The following ZNF385D variants were observed in gnomAD, a reference collection of about 807,000 sequenced individuals.
ZNF385D encodes zinc finger protein 385D.
ZNF385D carries 15 observed loss-of-function variants against 35.8 expected under a neutral mutation model. The ratio of observed to expected loss-of-function variants is 0.42; its 90% CI spans 0.28 to 0.64. The LOEUF is 0.64. Among genes scored for constraint, ZNF385D ranks in the 30% least tolerant of loss-of-function variants. The probability of loss-of-function intolerance (pLI) is 0.23; values close to 1 mark genes in which losing one functional copy is unlikely to be tolerated. For missense variants in ZNF385D, 474 were observed against 494.6 expected, an observed-to-expected ratio of 0.96 and a Z score of 0.39; for synonymous variants, 212 against 186.8, an observed-to-expected ratio of 1.13 and a Z score of -1.10.
intron 4 of ZNF385D, among the ~76,000 whole-genome samples, chr3:21,453,038 A>G (rs192133102): frequency 5.9e-5 from 9 of 152,082 alleles, no homozygotes; most frequent in Admixed American, 1.3e-4. Context: ...TCAATGAAAT[A>G]GAATTAAGAG....
intron 2 of ZNF385D, among the ~76,000 whole-genome samples, chr3:22,218,660 T>G (rs1376232800): frequency 6.6e-6 from 1 of 152,128 alleles, no homozygotes; most frequent in Admixed American, 6.6e-5. Flanking sequence ...CCCAGAAGGT[T>G]CTTAAGGCTT....
At chr3:21,876,600 A>C (rs1697986170) in intron 3 of ZNF385D, among the ~76,000 whole-genome samples, 1 of 151,926 alleles carries the variant, frequency 6.6e-6, no homozygotes, top group Non-Finnish European at 1.5e-5. Context: ...CCTTGTGCTC[A>C]GTGCTGGGTA....
chr3:21,637,974 C>A (rs770706367), intron 2 of ZNF385D, among the ~76,000 whole-genome samples: 4 of 152,148 alleles, frequency 2.6e-5, no homozygotes, highest in Non-Finnish European at 5.9e-5. Context: ...CTATCTTAAT[C>A]TGTTATTGAA....
chr3:21,658,001 T>C (rs1213149563), intron 2 of ZNF385D, among the ~76,000 whole-genome samples: 2 of 151,934 alleles, frequency 1.3e-5, no homozygotes, highest in Non-Finnish European at 2.9e-5. Context: ...GAGACAAAGA[T>C]TCTGAAGGGT....
chr3:21,890,194 A>G (rs1345496403), intron 3 of ZNF385D, among the ~76,000 whole-genome samples: 3 of 152,216 alleles, frequency 2.0e-5, no homozygotes, highest in Admixed American at 2.0e-4. Context: ...TATAAGCAAG[A>G]GAGGGAATAA....
In ZNF385D at chr3:21,748,170, G is replaced by T. The variant is rs78261433; in HGVS notation, c.22+2725C>A. Among the ~76,000 whole-genome samples, 1,209 of 152,282 alleles carry T rather than the reference G, an allele frequency of 7.9e-3. 24 individuals carry two copies. The highest frequency in any genetic ancestry group is 0.028 in the African/African-American group (1,169 of 41,542). On this transcript the variant is annotated intron_variant, in intron 1 of 7. Coordinates refer to ENST00000281523, the MANE Select transcript of ZNF385D (RefSeq NM_024697.3). Reference sequence around the variant, plus strand: ...AAACACTGCACTAAAATCTCAATAGGAGATAAGAGTGAGGCTTAAGTCATT... The same window carrying T: ...AAACACTGCACTAAAATCTCAATAGTAGATAAGAGTGAGGCTTAAGTCATT...
rs115215499 is a variant in ZNF385D, at chr3:21,653,753, A to G, written c.165+11133T>C. On this transcript the variant is annotated intron_variant, in intron 2 of 7. Transcript: ENST00000281523. ...TTAATGAATTTTTTTACCTAAAAAA[A>G]GTAAGTAGAACTATCCGGAAAAAAA... 8.2e-3 allele frequency among the ~76,000 whole-genome samples: 1,249 copies of G among 152,144 alleles called. 17 individuals are homozygous for G. Among genetic ancestry groups the G allele is most frequent in the African/African-American group, 0.029 (1,214 of 41,514 alleles).
At chr3:21,472,017 T>C (rs943855854) in intron 4 of ZNF385D, among the ~76,000 whole-genome samples, 3 of 152,170 alleles carry the variant, frequency 2.0e-5, no homozygotes, top group East Asian at 1.9e-4. Context: ...TATTGTTGTC[T>C]TGAAATACAT....
At chr3:21,437,701 C>CAGAAAAAAAAA (rs1487396735) in intron 4 of ZNF385D, among the ~76,000 whole-genome samples, 1 of 77,196 alleles carries the variant, frequency 1.3e-5, no homozygotes, top group Non-Finnish European at 2.3e-5. Flanking sequence ...AATGCTTATA[C>CAGAAAAAAAAA]AAAAAAAAAA....
chr3:22,270,144 T>C (rs1180722917), intron 2 of ZNF385D, among the ~76,000 whole-genome samples: 4 of 151,928 alleles, frequency 2.6e-5, no homozygotes, highest in African/African-American at 9.7e-5. Flanking sequence ...ATTTCCTGCC[T>C]AATATTATTC....
At position 21,725,295 on chromosome 3, in the gene ZNF385D, A is replaced by C. The variant is rs113663807; in HGVS notation, c.22+25600T>G. 6.8e-3 allele frequency among the ~76,000 whole-genome samples: 1,035 copies of C among 152,278 alleles called. 14 individuals carry two copies. Among genetic ancestry groups the C allele is most frequent in the African/African-American group, 0.021 (893 of 41,552 alleles). On this transcript the variant is annotated intron_variant, in intron 1 of 7. Transcript: ENST00000281523. ...GAACTAGAGAAACAAGAACAAATAA[A>C]TTCAAAAGCCAGCAGAAGGCAAGAA...
At chr3:21,461,549 AAAACAAACAAAC>A (rs563136778) in intron 4 of ZNF385D, among the ~76,000 whole-genome samples, 5 of 151,258 alleles carry the variant, frequency 3.3e-5, no homozygotes, top group African/African-American at 1.2e-4. Context: ...CTCTATCTCA[AAAACAAACAAAC>A]AAACAAACAA....
At chr3:22,091,636 G>A (rs997593804) in intron 3 of ZNF385D, among the ~76,000 whole-genome samples, 1 of 151,936 alleles carries the variant, frequency 6.6e-6, no homozygotes, top group East Asian at 1.9e-4. Context: ...TGACATAAAT[G>A]GAAACAGCTT....
intron 3 of ZNF385D, among the ~76,000 whole-genome samples, chr3:21,991,832 G>A (rs577998750): frequency 6.6e-6 from 1 of 152,290 alleles, no homozygotes; most frequent in Admixed American, 6.5e-5. Context: ...AGTCACAGTG[G>A]TAAGAAGTAG....
At chr3:21,574,477 G>C (rs574549287) in intron 2 of ZNF385D, among the ~76,000 whole-genome samples, 3 of 152,214 alleles carry the variant, frequency 2.0e-5, no homozygotes, top group Non-Finnish European at 2.9e-5. Flanking sequence ...CTAACAAACT[G>C]CACAATAAAC....
At chr3:22,098,104 T>A (rs1701727893) in intron 3 of ZNF385D, among the ~76,000 whole-genome samples, 1 of 152,198 alleles carries the variant, frequency 6.6e-6, no homozygotes, top group African/African-American at 2.4e-5. Context: ...GGGAAAAGAC[T>A]GTCCACAAAA....
intron 2 of ZNF385D, among the ~76,000 whole-genome samples, chr3:22,329,810 C>T (rs1694852246): frequency 6.6e-6 from 1 of 152,108 alleles, no homozygotes. Context: ...AATATATACA[C>T]AATATTACTT....
At chr3:22,138,224 G>C (rs1576384702) in intron 3 of ZNF385D, among the ~76,000 whole-genome samples, 1 of 152,102 alleles carries the variant, frequency 6.6e-6, no homozygotes, top group Admixed American at 6.5e-5. Context: ...TCAATATCAT[G>C]AAAATGGCCA....
At chr3:22,130,078 C>T (rs533140472) in intron 3 of ZNF385D, among the ~76,000 whole-genome samples, 1 of 152,100 alleles carries the variant, frequency 6.6e-6, no homozygotes, top group African/African-American at 2.4e-5. Context: ...CCATTGGAAT[C>T]CTTTGTGGCC....
Sources: gnomAD v4.1 joint callset for allele counts (sites outside exome capture counted in the v4.1 genomes callset) on GRCh38, gnomAD v4.1.1 for gene constraint, MANE v1.5 for transcripts, NCBI Gene and HGNC (gene_info 2026-07-23, HGNC 2026-07-21) for gene names.